Variants in NAA16 observed in about 807,000 individuals in gnomAD.
NAA16 encodes NARG1-like protein.
Under a neutral mutation model 110.3 loss-of-function variants are expected in NAA16, and 97 were observed. The observed-to-expected ratio is 0.88, with a 90% CI of 0.75 to 1.04. The LOEUF (loss-of-function observed/expected upper bound fraction) is 1.04. Ranked by LOEUF, NAA16 falls within the 50% of genes least tolerant of loss-of-function variation. The pLI is 0.00. For missense variants in NAA16, 1,017 were observed against 1,005.1 expected (o/e 1.01, Z -0.16); for synonymous variants, 372 against 330.6 (o/e 1.13, Z -1.36).
At chr13:41,330,883 T>C (rs2042220423) in intron 7 of NAA16, among the ~76,000 whole-genome samples, 2 of 151,994 alleles carry the variant, frequency 1.3e-5, no homozygotes, top group African/African-American at 4.8e-5. Context: ...TATATGTAGG[T>C]TTCTTTGATT....
chr13:41,354,048 G>A (rs566113827), intron 9 of NAA16, among the ~76,000 whole-genome samples: 3 of 152,298 alleles, frequency 2.0e-5, no homozygotes, highest in Admixed American at 1.3e-4. Context: ...GTCATAGTAT[G>A]TGTAAATTTT....
At chr13:41,358,221 A>G in intron 10 of NAA16, 83 bp from the exon 11 acceptor site, 2 of 1,176,434 alleles carry the variant, frequency 1.7e-6, no homozygotes, top group Non-Finnish European at 2.4e-6. Flanking sequence ...TGCAATAGTC[A>G]TTTCATTATG....
chr13:41,319,484 C>T (rs1484912344), intron 3 of NAA16, among the ~76,000 whole-genome samples: 1 of 151,980 alleles, frequency 6.6e-6, no homozygotes, highest in Non-Finnish European at 1.5e-5. Context: ...TTGTGTTTTT[C>T]TTTGGGTAAT....
chr13:41,322,318 T>C (rs1490412525), intron 4 of NAA16, among the ~76,000 whole-genome samples: 1 of 152,064 alleles, frequency 6.6e-6, no homozygotes, highest in African/African-American at 2.4e-5. Flanking sequence ...AATGATAGTG[T>C]TGGCAGCATG....
chr13:41,364,184 C>T (rs1053356538), intron 13 of NAA16, among the ~76,000 whole-genome samples: 2 of 152,074 alleles, frequency 1.3e-5, no homozygotes, highest in East Asian at 1.9e-4. Context: ...AGAAATAAAA[C>T]TTTGCAGTTT....
intron 1 of NAA16, among the ~76,000 whole-genome samples, chr13:41,314,516 A>C (rs994284904): frequency 2.0e-5 from 3 of 152,160 alleles, no homozygotes; most frequent in African/African-American, 7.2e-5. Context: ...AGAGGCTGTC[A>C]AGAGGCCTCA....
At chr13:41,341,836 C>CTT (rs398117249) in intron 9 of NAA16, among the ~76,000 whole-genome samples, 13,818 of 145,168 alleles carry the variant, frequency 0.095, 1,912 homozygotes, top group African/African-American at 0.3. Context: ...CAGACCAAAC[C>CTT]TTTTTTTTTT....
Position 41,362,030 on chromosome 13 carries a change from G to A in NAA16, c.1411-1G>A, listed in dbSNP as rs201703950. 4.3e-6 allele frequency: 7 copies of A among 1,609,882 alleles called. No homozygotes were observed. The Admixed American group carries it at 1.0e-4, about 23-fold the overall frequency. Reference sequence around the variant, plus strand: ...TATAGTTTTGAATGCTTCCATTTCAGGAAGGAACATCTGCCATGGAAAATC... The same window carrying A: ...TATAGTTTTGAATGCTTCCATTTCAAGAAGGAACATCTGCCATGGAAAATC... On this transcript the variant is annotated splice_acceptor_variant, in intron 12 of 19. Transcript: ENST00000379406. LOFTEE classifies it high-confidence loss of function.
At chr13:41,328,492 G>A (rs1220054189) in intron 6 of NAA16, among the ~76,000 whole-genome samples, 1 of 152,046 alleles carries the variant, frequency 6.6e-6, no homozygotes, top group African/African-American at 2.4e-5. Context: ...ACAAATTAAT[G>A]TCCTATGTAT....
At chr13:41,366,569 A>G (rs959959431) in intron 13 of NAA16, among the ~76,000 whole-genome samples, 3 of 152,110 alleles carry the variant, frequency 2.0e-5, no homozygotes, top group Non-Finnish European at 4.4e-5. Context: ...CTTTCATGGA[A>G]GGGATTAGTT....
At chr13:41,358,196 C>T in intron 10 of NAA16, 108 bp from the exon 11 acceptor site, 2 of 982,200 alleles carry the variant, frequency 2.0e-6, no homozygotes, top group Non-Finnish European at 3.0e-6. Flanking sequence ...CTGAGTCTTT[C>T]TTGCTTATTA....
intron 18 of NAA16, 92 bp downstream of exon 18, chr13:41,373,872 G>C (rs1042580646): frequency 6.8e-7 from 1 of 1,464,036 alleles, no homozygotes; most frequent in South Asian, 1.5e-5. Flanking sequence ...CAAATGAACA[G>C]TACTGTGTGT....
At chr13:41,325,928 T>TA (rs1403525919) in intron 6 of NAA16, 77 bp downstream of exon 6, 4 of 1,194,360 alleles carry the variant, frequency 3.3e-6, no homozygotes, top group African/African-American at 1.6e-5. Flanking sequence ...TCCTAAGTCT[T>TA]ACGTAACAGT....
chr13:41,314,759 G>A lies in NAA16; in HGVS notation c.55-2087G>A, dbSNP rs77570170. On this transcript the variant is annotated intron_variant, in intron 1 of 19. Coordinates refer to ENST00000379406, the MANE Select transcript of NAA16 (RefSeq NM_024561.5). ...TAATCCCAGCACTTTGGGAGGCTGA[G>A]GTGGGAGCTAGGATCACTTGAGCCC... Among the ~76,000 whole-genome samples the A allele has an allele frequency of 8.0e-3, 1,213 of 152,232 alleles. 17 individuals are homozygous for A. The highest frequency in any genetic ancestry group is 0.028 in the African/African-American group (1,152 of 41,542).
intron 9 of NAA16, among the ~76,000 whole-genome samples, chr13:41,341,380 C>A (rs931595548): frequency 6.6e-6 from 1 of 152,036 alleles, no homozygotes; most frequent in Non-Finnish European, 1.5e-5. Flanking sequence ...TTTAAATGTT[C>A]TGGTAATATG....
At chr13:41,359,323 C>T (rs1354069079) in intron 12 of NAA16, among the ~76,000 whole-genome samples, 2 of 152,162 alleles carry the variant, frequency 1.3e-5, no homozygotes, top group African/African-American at 4.8e-5. Flanking sequence ...TTACTTTTAA[C>T]TTGCTCATAG....
chr13:41,328,646 GATA>G, intron 6 of NAA16, 75 bp from the exon 7 acceptor site: 1 of 1,206,730 alleles, frequency 8.3e-7, no homozygotes. Context: ...TCTGTTCACT[GATA>G]ATGTTTAGTG....
intron 5 of NAA16, among the ~76,000 whole-genome samples, chr13:41,324,024 C>G (rs2042019277): frequency 6.6e-6 from 1 of 152,124 alleles, no homozygotes; most frequent in Admixed American, 6.5e-5. Context: ...CATCCTATTT[C>G]ACTTACTCCT....
At chr13:41,331,248 A>C in intron 7 of NAA16, 26 bp from the exon 8 acceptor site, 1 of 1,402,030 alleles carries the variant, frequency 7.1e-7, no homozygotes, top group East Asian at 2.3e-5. Flanking sequence ...GATGCTATGA[A>C]TCTCACCCAT....
Sources: allele counts gnomAD v4.1 joint callset (sites outside exome capture counted in the v4.1 genomes callset), GRCh38; gene constraint gnomAD v4.1.1; transcripts MANE v1.5; gene names NCBI Gene and HGNC (gene_info 2026-07-23, HGNC 2026-07-21).